The following NEB variants were observed in gnomAD, a reference collection of about 807,000 sequenced individuals.
NEB encodes nemaline myopathy type 2.
A neutral mutation model predicts 952.2 loss-of-function variants in NEB; 512 were observed. That is an observed-to-expected ratio of 0.54 (90% CI 0.50 to 0.58). The LOEUF (loss-of-function observed/expected upper bound fraction) is 0.58. Among genes scored for constraint, NEB ranks in the 20% least tolerant of loss-of-function variants. The probability of loss-of-function intolerance (pLI) is 0.00; values close to 1 mark genes in which losing one functional copy is unlikely to be tolerated. For synonymous variants in NEB, 2,900 were observed against 3,149.8 expected (o/e 0.92, Z 2.66); for missense variants, 8,428 against 9,231.1 (o/e 0.91, Z 3.56).
intron 157 of NEB, among the ~76,000 whole-genome samples, chr2:151,515,731 A>G (rs2077385370): frequency 6.6e-6 from 1 of 152,242 alleles, no homozygotes; most frequent in South Asian, 2.1e-4. Context: ...CAAGAACAGT[A>G]TAAGAAACTC....
At chr2:151,488,064 C>T (rs1234737072) in intron 181 of NEB, among the ~76,000 whole-genome samples, 2 of 152,012 alleles carry the variant, frequency 1.3e-5, no homozygotes, top group South Asian at 4.2e-4. Context: ...TCATGGTGAA[C>T]ACCTTTTTCT....
intron 9 of NEB, among the ~76,000 whole-genome samples, chr2:151,721,111 A>G (rs907641959): frequency 3.3e-5 from 5 of 152,124 alleles, no homozygotes; most frequent in Admixed American, 6.6e-5. Flanking sequence ...CATGCCTATT[A>G]ATACTTATTA....
At chr2:151,670,958 C>A in intron 38 of NEB, 65 bp downstream of exon 38, 1 of 1,481,614 alleles carries the variant, frequency 6.7e-7, no homozygotes, top group Non-Finnish European at 9.4e-7. Flanking sequence ...TTAAGAAGGA[C>A]GGAGGAGCGG....
At chr2:151,507,155 G>A (rs2069771661) in intron 162 of NEB, 142 bp from the exon 163 acceptor site, 1 of 570,502 alleles carries the variant, frequency 1.8e-6, no homozygotes, top group African/African-American at 1.9e-5. Flanking sequence ...GGTAGCCCAA[G>A]GGAAATTATT....
chr2:151,682,617 A>G, intron 29 of NEB, 45 bp downstream of exon 29: 1 of 1,474,906 alleles, frequency 6.8e-7, no homozygotes, highest in South Asian at 1.2e-5. Flanking sequence ...GAGCTTTAAC[A>G]CAACACAGTC....
rs541088387 is a variant in NEB, at chr2:151,563,871, G to A, written c.18531C>T (p.Arg6177=). ...TKAYGYTLDE[R]YIPIVGAKHA... The stretch of plus-strand genomic sequence containing the variant: ...GCTTGGCTCCAACAATGGGAATGTA[G>A]CGCTCATCCAGGGTGTAGCCATAGG... Residue 6177 remains arginine (R), a synonymous_variant, in exon 118 of 182, where the codon CGC becomes CGT. Transcript: ENST00000397345. 266 of 1,613,024 alleles carry A rather than the reference G, an allele frequency of 1.6e-4. 1 individual carries two copies. In the South Asian group the frequency reaches 2.7e-3, roughly 16 times the overall value.
chr2:151,671,842 C>T (rs2099301472), intron 37 of NEB, among the ~76,000 whole-genome samples: 1 of 152,178 alleles, frequency 6.6e-6, no homozygotes, highest in Admixed American at 6.5e-5. Context: ...CTGGCTCCTG[C>T]AGCAGGAGAG....
intron 129 of NEB, among the ~76,000 whole-genome samples, chr2:151,551,184 G>A (rs2095310856): frequency 6.6e-6 from 1 of 151,856 alleles, no homozygotes; most frequent in South Asian, 2.1e-4. Flanking sequence ...GGCCAGGCTG[G>A]TCTCGAACTC....
At chr2:151,514,233 TTTG>T (rs1428782388) in intron 159 of NEB, 82 bp downstream of exon 159, 3 of 899,060 alleles carry the variant, frequency 3.3e-6, no homozygotes, top group Non-Finnish European at 5.5e-6. Flanking sequence ...GTTCTCTGTT[TTTG>T]TTTTGCTTTT....
chr2:151,539,507 G>A (rs746691476), intron 138 of NEB, among the ~76,000 whole-genome samples: 17 of 152,160 alleles, frequency 1.1e-4, no homozygotes, highest in Non-Finnish European at 2.4e-4. Flanking sequence ...GAGCTATGTT[G>A]CTAAGTTGAG....
rs2097670996 is a variant in NEB, at chr2:151,605,584, G to A, written c.12748-713C>T. Among the ~76,000 whole-genome samples the A allele has an allele frequency of 1.6e-5, 2 of 127,082 alleles. 1 individual carries two copies. Among genetic ancestry groups the A allele is most frequent in the South Asian group, 4.9e-4 (2 of 4,108 alleles). 83.4% of individuals were successfully genotyped at this position (127,082 alleles called of 152,430 possible). A position where few individuals can be genotyped will look rare whatever the true frequency, so the allele number is the denominator to read the frequency against. On this transcript the variant is annotated intron_variant, in intron 84 of 181. Coordinates refer to ENST00000397345, the MANE Select transcript of NEB (RefSeq NM_001164508.2). ...TGGTTTCTGTTTCTTTCCTATGTTT[G>A]GACAACATAGGCAAGTTTGAACAAA...
Position 151,493,840 on chromosome 2 carries a change from C to T in NEB, c.24607G>A (p.Ala8203Thr). The T allele has an allele frequency of 6.3e-7, 1 of 1,580,282 alleles. No homozygotes were observed. The change falls in exon 175 of 182, where the codon GCA becomes ACA. Residue 8203 changes from alanine to threonine, a missense_variant. By Grantham distance (58) the Ala-to-Thr change is moderately conservative (BLOSUM62 0). This residue lies in a region of NEB where 3,374 missense variants were observed against 3,651.5 expected (regional missense o/e 0.92). Transcript: ENST00000397345. ...TCAGGAGTAAAGGGTGTGGGGGTTG[C>T]TTTCCCCAGGTTCTCTTTGTATAAC... ...SVLYKENLGK[A>T]TPTPFTPEME...
intron 20 of NEB, among the ~76,000 whole-genome samples, chr2:151,692,959 G>A (rs1262099976): frequency 6.6e-6 from 1 of 152,142 alleles, no homozygotes; most frequent in Non-Finnish European, 1.5e-5. Context: ...GACAGAGCGA[G>A]AGCCTGTCTC....
Position 151,680,761 on chromosome 2 carries a change from T to C in NEB, c.3011A>G (p.Gln1004Arg). The C allele has an allele frequency of 1.2e-6, 2 of 1,612,396 alleles. No individual in the cohort carries two copies. Among genetic ancestry groups the C allele is most frequent in the African/African-American group, 2.7e-5 (2 of 74,996 alleles). The change falls in exon 30 of 182, where the codon CAG becomes CGG. Residue 1004 changes from glutamine (Q) to arginine (R), a missense_variant. Coordinates refer to ENST00000397345, the MANE Select transcript of NEB (RefSeq NM_001164508.2). The stretch of plus-strand genomic sequence containing the variant: ...CCTCTGGGCCTGGTTAATTTTAGAC[T>C]GTACTGTAATTGGAGCATCTTCAAT... ...TSIEDAPITV[Q>R]SKINQAQRSD...
At chr2:151,656,581 G>T (rs2099087761) in intron 48 of NEB, 117 bp from the exon 49 acceptor site, 3 of 500,260 alleles carry the variant, frequency 6.0e-6, no homozygotes, top group Admixed American at 9.5e-5. Flanking sequence ...AATTATATTT[G>T]TATAGAGCTC....
chr2:151,686,457 AT>A (rs2099499489), intron 27 of NEB, among the ~76,000 whole-genome samples: 1 of 152,226 alleles, frequency 6.6e-6, no homozygotes, highest in Admixed American at 6.5e-5. Context: ...GGGGAGTTAT[AT>A]CCTTCTTGAG....
intron 161 of NEB, among the ~76,000 whole-genome samples, chr2:151,509,615 T>C (rs190601529): frequency 6.6e-6 from 1 of 151,140 alleles, no homozygotes; most frequent in African/African-American, 2.4e-5. Flanking sequence ...GAAGAGAGGT[T>C]TTTTTTTTGT....
chr2:151,690,637 A>T (rs903946159), intron 24 of NEB, 90 bp downstream of exon 24: 1 of 897,496 alleles, frequency 1.1e-6, no homozygotes, highest in African/African-American at 1.7e-5. Context: ...ATGGTAGATG[A>T]GCCCATGAAG....
chr2:151,701,627 T>C (rs1196119201), intron 13 of NEB, among the ~76,000 whole-genome samples: 1 of 151,822 alleles, frequency 6.6e-6, no homozygotes, highest in East Asian at 1.9e-4. Flanking sequence ...TATCCATTTC[T>C]TCTAGATTTT....
Sources: allele counts gnomAD v4.1 joint callset (sites outside exome capture counted in the v4.1 genomes callset), GRCh38; gene constraint gnomAD v4.1.1; regional missense constraint gnomAD v4.1.1; transcripts MANE v1.5; gene names NCBI Gene and HGNC (gene_info 2026-07-23, HGNC 2026-07-21).